DEGS2: variants seen among roughly 807,000 people sequenced by gnomAD.
DEGS2 encodes delta 4-desaturase, sphingolipid 2, also known as sphingolipid delta(4)-desaturase/C4-monooxygenase DES2.
A neutral mutation model predicts 23.8 loss-of-function variants in DEGS2; 19 were observed. The ratio of observed to expected loss-of-function variants is 0.80; its 90% CI spans 0.56 to 1.17. DEGS2 has a LOEUF of 1.17. Among genes scored for constraint, DEGS2 ranks in the 50% most tolerant of loss-of-function variants. The probability of loss-of-function intolerance (pLI) is 0.00; values close to 1 mark genes in which losing one functional copy is unlikely to be tolerated. For missense variants in DEGS2, 390 were observed against 459.5 expected (o/e 0.85, Z 1.38); for synonymous variants, 218 against 213.7 (o/e 1.02, Z -0.18).
chr14:100,159,203 C>T (rs553826893), intron 1 of DEGS2, among the ~76,000 whole-genome samples: 80 of 152,236 alleles, frequency 5.3e-4, no homozygotes, highest in Middle Eastern at 6.9e-3. Flanking sequence ...GTCCCAGCAT[C>T]CCAGAGCCCC....
the DEGS2 span, among the ~76,000 whole-genome samples, chr14:100,166,630 C>G: frequency 6.6e-6 from 1 of 152,146 alleles, no homozygotes; most frequent in Admixed American, 6.5e-5. Context: ...AAAGCAGCCT[C>G]AAAAATACCG....
At chr14:100,148,037 G>C (rs1035288219) in intron 2 of DEGS2, among the ~76,000 whole-genome samples, 2 of 152,198 alleles carry the variant, frequency 1.3e-5, no homozygotes, top group Non-Finnish European at 2.9e-5. Context: ...ACTGCCAGCC[G>C]GAATGGAGGG....
chr14:100,166,319 GCCCGGGGC>G, the DEGS2 span, among the ~76,000 whole-genome samples: 10,669 of 35,602 alleles, frequency 0.3, 2,771 homozygotes, highest in African/African-American at 0.65. Context: ...GGGGGAGCCT[GCCCGGGGC>G]TGTGGGGGAG....
chr14:100,147,255 CAG>C (rs1889466059), intron 2 of DEGS2, among the ~76,000 whole-genome samples: 1 of 152,208 alleles, frequency 6.6e-6, no homozygotes. Flanking sequence ...GGGCTCAGCT[CAG>C]AGCGCCTGCC....
At position 100,146,893 on chromosome 14, in the gene DEGS2, C is replaced by T. The variant is rs1187826276; in HGVS notation, c.840G>A (p.Ala280=). 4.3e-6 allele frequency: 7 copies of T among 1,612,578 alleles called. No individual in the cohort carries two copies. Among genetic ancestry groups the T allele is most frequent in the Admixed American group, 1.7e-5 (1 of 59,926 alleles). ...GCGGCAGGTGGTCGTAGTACTCGGGCGCGATCTTCCGCACCTGTAGAGAGG... is the reference window on the plus strand; with the variant it reads ...GCGGCAGGTGGTCGTAGTACTCGGGTGCGATCTTCCGCACCTGTAGAGAGG... ...GYNLPLVRKI[A]PEYYDHLPQH... Residue 280 remains alanine, a synonymous_variant, in exon 3 of 3, where the codon GCG becomes GCA. Coordinates refer to ENST00000305631, the MANE Select transcript of DEGS2 (RefSeq NM_206918.3).
the DEGS2 span, among the ~76,000 whole-genome samples, chr14:100,166,202 C>T: frequency 1.0e-5 from 1 of 96,498 alleles, no homozygotes; most frequent in East Asian, 3.4e-4. Flanking sequence ...GTCGGGGTAA[C>T]CTCTCTGGGG....
intron 2 of DEGS2, among the ~76,000 whole-genome samples, chr14:100,147,532 C>A (rs945764679): frequency 2.0e-5 from 3 of 152,112 alleles, no homozygotes; most frequent in South Asian, 4.1e-4. Flanking sequence ...TACACAGACA[C>A]CCCCACCAAC....
In DEGS2 at chr14:100,150,074, C is replaced by T. The variant is rs1047606236; in HGVS notation, c.83-364G>A. On this transcript the variant is annotated intron_variant, in intron 1 of 2. Coordinates refer to ENST00000305631, the MANE Select transcript of DEGS2 (RefSeq NM_206918.3). ...GATGCCGTCTGTGTACTCAAGCACA[C>T]GGGGAGCCTCAGCCAGGAGGTGGGG... is the stretch of plus-strand genomic sequence containing the variant. Among the ~76,000 whole-genome samples the T allele has an allele frequency of 3.9e-5, 6 of 152,220 alleles. No homozygotes were observed. In the East Asian group the frequency reaches 7.7e-4, roughly 20 times the overall value.
In DEGS2 at chr14:100,149,732, A is replaced by G. The variant is rs375791177; in HGVS notation, c.83-22T>C. 26 of 1,577,936 alleles carry G rather than the reference A, an allele frequency of 1.6e-5. No homozygotes were observed. In the African/African-American group the frequency reaches 2.3e-4, roughly 14 times the overall value. On this transcript the variant is annotated intron_variant, in intron 1 of 2. Coordinates refer to ENST00000305631, the MANE Select transcript of DEGS2 (RefSeq NM_206918.3). ...TTGGCTGCAAGGAAGACAGGGAGGT[A>G]TGAGGCCCCGCTCGGTGGGGCTGCA...
At chr14:100,154,364 A>C (rs1335635304) in intron 1 of DEGS2, among the ~76,000 whole-genome samples, 1 of 152,080 alleles carries the variant, frequency 6.6e-6, no homozygotes, top group African/African-American at 2.4e-5. Context: ...TCAAAAAAAA[A>C]AAAAAAAAGA....
Position 100,149,129 on chromosome 14 carries a change from G to T in DEGS2, c.664C>A (p.Leu222Met), listed in dbSNP as rs1205648210. 1 of 1,612,882 alleles carries T rather than the reference G, an allele frequency of 6.2e-7. No homozygotes were observed. Among genetic ancestry groups the T allele is most frequent in the Non-Finnish European group, 8.5e-7 (1 of 1,180,016 alleles). ...LLASSFLGLG[L>M]HPISGHFVAE... ...ACGAAGTGGCCCGAGATGGGGTGCA[G>T]GCCCAGGCCCAGGAAGGAGCTGGCC... Residue 222 changes from leucine to methionine, a missense_variant, in exon 2 of 3, where the codon CTG becomes ATG. Transcript: ENST00000305631.
chr14:100,164,287 A>C (rs915208671), upstream of DEGS2, among the ~76,000 whole-genome samples: 4 of 151,964 alleles, frequency 2.6e-5, no homozygotes, highest in African/African-American at 4.8e-5. Flanking sequence ...TCTGGGGATC[A>C]CCCCTGGTAT....
At chr14:100,161,239 C>G (rs1301788656), upstream of DEGS2, among the ~76,000 whole-genome samples, 1 of 152,270 alleles carries the variant, frequency 6.6e-6, no homozygotes, top group East Asian at 1.9e-4. Context: ...CAACACCAAG[C>G]CTGCCAGTTC....
chr14:100,165,748 G>A, the DEGS2 span, among the ~76,000 whole-genome samples: 1 of 151,836 alleles, frequency 6.6e-6, no homozygotes, highest in Non-Finnish European at 1.5e-5. Flanking sequence ...AGGGAGCCAC[G>A]GGAGGGACTT....
upstream of DEGS2, chr14:100,159,661 G>C: frequency 2.1e-6 from 1 of 484,744 alleles, no homozygotes; most frequent in Non-Finnish European, 3.1e-6. Flanking sequence ...CCGCGGCGCG[G>C]AACCAGCTCT....
chr14:100,151,723 T>G (rs1889575475), intron 1 of DEGS2, among the ~76,000 whole-genome samples: 1 of 152,154 alleles, frequency 6.6e-6, no homozygotes, highest in South Asian at 2.1e-4. Flanking sequence ...CCCAACCCAC[T>G]GGGCAGAAAG....
chr14:100,166,662 G>T, the DEGS2 span, among the ~76,000 whole-genome samples: 1 of 152,136 alleles, frequency 6.6e-6, no homozygotes, highest in Non-Finnish European at 1.5e-5. Flanking sequence ...CTCCCGCAGC[G>T]GCTGCAGAGC....
chr14:100,164,191 C>T (rs1395929960), upstream of DEGS2, among the ~76,000 whole-genome samples: 1 of 151,966 alleles, frequency 6.6e-6, no homozygotes, highest in African/African-American at 2.4e-5. Flanking sequence ...CCTCGGCCTC[C>T]CAAAGTGCTG....
Position 100,159,488 on chromosome 14 carries a change from G to A in DEGS2, c.82+18C>T, listed in dbSNP as rs1251553862. 11 of 1,479,780 alleles carry A rather than the reference G, an allele frequency of 7.4e-6. No homozygotes were observed. In the South Asian group the frequency reaches 1.0e-4, roughly 14 times the overall value. 91.7% of individuals were successfully genotyped at this position (1,479,780 alleles called of 1,614,324 possible). A position where few individuals can be genotyped will look rare whatever the true frequency, so the allele number is the denominator to read the frequency against. ...AACGGGGCGGTCCCCACCGGGGTGG[G>A]CCCCGCGCGGCGCTCACCCAGTATC... is the stretch of plus-strand genomic sequence containing the variant. On this transcript the variant is annotated intron_variant, in intron 1 of 2. Transcript: ENST00000305631.
Sources: gnomAD v4.1 joint callset for allele counts (sites outside exome capture counted in the v4.1 genomes callset) on GRCh38, gnomAD v4.1.1 for gene constraint, MANE v1.5 for transcripts, NCBI Gene and HGNC (gene_info 2026-07-23, HGNC 2026-07-21) for gene names.